The following SOD1 variants were observed in gnomAD, a reference collection of about 807,000 sequenced individuals.
The protein encoded by SOD1 is superoxide dismutase [Cu-Zn].
In SOD1, 8 loss-of-function variants were observed where a neutral mutation model predicts 15.9. The observed-to-expected ratio is 0.50, with a 90% confidence interval of 0.30 to 0.91. SOD1 has a LOEUF of 0.91. Ranked by LOEUF, SOD1 falls within the 40% of genes least tolerant of loss-of-function variation. SOD1 has a pLI of 0.07. For synonymous variants in SOD1, 86 were observed against 71.2 expected, an observed-to-expected ratio of 1.21 and a Z score of -1.04; for missense variants, 137 against 194.5, an observed-to-expected ratio of 0.70 and a Z score of 1.76.
chr21:31,667,418 T>C (rs1568810884), intron 4 of SOD1, 43 bp downstream of exon 4: 6 of 1,258,176 alleles, frequency 4.8e-6, no homozygotes, highest in Non-Finnish European at 7.0e-6. Context: ...TCTTCTAACA[T>C]ACAGTCATGT....
intron 1 of SOD1, among the ~76,000 whole-genome samples, chr21:31,660,945 G>A (rs1568808075): frequency 1.3e-5 from 2 of 152,216 alleles, no homozygotes; most frequent in Admixed American, 1.3e-4. Flanking sequence ...GATGGTCAGA[G>A]ACAAACTTCT....
chr21:31,663,919 T>G, intron 2 of SOD1, 33 bp downstream of exon 2: 7 of 1,480,340 alleles, frequency 4.7e-6, no homozygotes, highest in South Asian at 1.1e-5. Flanking sequence ...GACCCATACT[T>G]GTTCACCCTA....
At chr21:31,662,946 C>T (rs1218077594) in intron 1 of SOD1, among the ~76,000 whole-genome samples, 1 of 151,222 alleles carries the variant, frequency 6.6e-6, no homozygotes, top group African/African-American at 2.4e-5. Flanking sequence ...ACCTGGGAGG[C>T]GGAGCTTGCA....
intron 1 of SOD1, among the ~76,000 whole-genome samples, chr21:31,661,938 T>C (rs1325305154): frequency 6.6e-6 from 1 of 152,242 alleles, no homozygotes; most frequent in Non-Finnish European, 1.5e-5. Context: ...TGCTAGTTTT[T>C]ACAGATCAGA....
At chr21:31,659,946 TGGTCCAGCGCCC>T in intron 1 of SOD1, 105 bp downstream of exon 1, 1 of 1,158,836 alleles carries the variant, frequency 8.6e-7, no homozygotes, top group Non-Finnish European at 1.3e-6. Context: ...GGGGCCGCCC[TGGTCCAGCGCCC>T]GGTCCCGGCC....
At position 31,668,903 on chromosome 21, in the gene SOD1, C is replaced by A; in HGVS notation, c.*325C>A. ...ACCCTGTATGGCACTTATTATGAGG[C>A]TATTAAAAGAATCCAAATTCAAACT... is the stretch of plus-strand genomic sequence containing the variant. On this transcript the variant is annotated 3_prime_UTR_variant, in exon 5 of 5. Coordinates refer to ENST00000270142, the MANE Select transcript of SOD1 (RefSeq NM_000454.5). 3.5e-6 allele frequency: 1 copy of A among 285,058 alleles called. No homozygotes were observed. Among genetic ancestry groups the A allele is most frequent in the Non-Finnish European group, 6.8e-6 (1 of 148,044 alleles). 17.7% of individuals were successfully genotyped at this position (285,058 alleles called of 1,614,324 possible).
intron 1 of SOD1, chr21:31,660,796 A>G (rs1253658775): frequency 6.6e-6 from 1 of 152,202 alleles, no homozygotes; most frequent in African/African-American, 2.4e-5. Context: ...CAGTGGGTGG[A>G]GTTTCGTATT....
rs755349211 is a variant in SOD1, at chr21:31,659,728, T to A, written c.-42T>A. The A allele has an allele frequency of 6.2e-7, 1 of 1,606,760 alleles. No individual in the cohort carries two copies. The highest frequency in any genetic ancestry group is 8.5e-7 in the Non-Finnish European group (1 of 1,173,644). On this transcript the variant is annotated 5_prime_UTR_variant, in exon 1 of 5. Transcript: ENST00000270142. ...CTCCTGCAGCGTCTGGGGTTTCCGTTGCAGTCCTCGGAACCAGGACCTCGG... is the reference window on the plus strand; with the variant it reads ...CTCCTGCAGCGTCTGGGGTTTCCGTAGCAGTCCTCGGAACCAGGACCTCGG...
chr21:31,666,768 G>A (rs1601157897), intron 3 of SOD1: 3 of 532,326 alleles, frequency 5.6e-6, no homozygotes, highest in Non-Finnish European at 1.0e-5. Flanking sequence ...ACTAATACAA[G>A]TGCCAAAGGG....
rs554734047 is a variant in SOD1 at position 31,668,773 on chromosome 21, T to C, written c.*195T>C. The C allele has an allele frequency of 1.7e-6, 1 of 576,980 alleles. No individual in the cohort carries two copies. The highest frequency in any genetic ancestry group is 3.0e-5 in the East Asian group (1 of 33,094). 35.7% of individuals were successfully genotyped at this position (576,980 alleles called of 1,614,324 possible). A position where few individuals can be genotyped will look rare whatever the true frequency, so the allele number is the denominator to read the frequency against. On this transcript the variant is annotated 3_prime_UTR_variant, in exon 5 of 5. Coordinates refer to ENST00000270142, the MANE Select transcript of SOD1 (RefSeq NM_000454.5). ...GAAGATTTGTATAGTTTTATAAAACTCAGTTAAAATGTCTGTTTCAATGAC... is the reference window on the plus strand; with the variant it reads ...GAAGATTTGTATAGTTTTATAAAACCCAGTTAAAATGTCTGTTTCAATGAC...
At chr21:31,660,174 G>A (rs1328786416) in intron 1 of SOD1, 1 of 154,740 alleles carries the variant, frequency 6.5e-6, no homozygotes, top group Non-Finnish European at 1.4e-5. Flanking sequence ...GCCGCCGCGG[G>A]TCTGTCGTGG....
intron 1 of SOD1, chr21:31,660,810 A>G (rs1040204234): frequency 1.3e-5 from 2 of 152,204 alleles, no homozygotes; most frequent in African/African-American, 2.4e-5. Flanking sequence ...TCGTATTTGG[A>G]AATTAGAAGA....
Position 31,659,816 on chromosome 21 carries a change from A to G in SOD1, c.47A>G (p.Gln16Arg), listed in dbSNP as rs200016533. ...VCVLKGDGPV[Q>R]GIINFEQKES... ...GTGCTGAAGGGCGACGGCCCAGTGC[A>G]GGGCATCATCAATTTCGAGCAGAAG... The change falls in exon 1 of 5, where the codon CAG (glutamine) becomes CGG (arginine). Residue 16 changes from glutamine (Q) to arginine (R), a missense_variant. Physicochemically the swap from Gln to Arg is conservative, Grantham distance 43 (BLOSUM62 1). Transcript: ENST00000270142. 1.4e-5 allele frequency: 22 copies of G among 1,613,696 alleles called. No individual in the cohort carries two copies. Among genetic ancestry groups the G allele is most frequent in the East Asian group, 2.2e-5 (1 of 44,890 alleles).
In SOD1 at chr21:31,668,347, C is replaced by A. The variant is rs976968484; in HGVS notation, c.358-124C>A. 6 of 713,852 alleles carry A rather than the reference C, an allele frequency of 8.4e-6. No individual in the cohort carries two copies. The African/African-American group carries it at 9.0e-5, about 11-fold the overall frequency. The allele number at this position is 713,852 out of a possible 1,614,324, so 44.2% of individuals were successfully genotyped here. On this transcript the variant is annotated intron_variant, in intron 4 of 4. Transcript: ENST00000270142. The stretch of plus-strand genomic sequence containing the variant: ...TTTAAACTACTAAATATTAGTATAT[C>A]TCTCTACTAGGATTAATGTTATTTT...
chr21:31,660,680 A>G (rs2049541070), intron 1 of SOD1: 1 of 152,194 alleles, frequency 6.6e-6, no homozygotes, highest in Non-Finnish European at 1.5e-5. Context: ...ACCTCCGACC[A>G]ATTACATCAA....
intron 2 of SOD1, among the ~76,000 whole-genome samples, chr21:31,665,865 AC>A (rs1306855357): frequency 6.6e-6 from 1 of 152,068 alleles, no homozygotes; most frequent in Admixed American, 6.5e-5. Flanking sequence ...TAATAGAAAA[AC>A]TGTTGAAGAT....
At chr21:31,662,740 C>T (rs961414696) in intron 1 of SOD1, among the ~76,000 whole-genome samples, 5 of 152,170 alleles carry the variant, frequency 3.3e-5, no homozygotes, top group Non-Finnish European at 7.3e-5. Flanking sequence ...GATAGCCGGG[C>T]GTGGTGGCTT....
chr21:31,665,523 C>G (rs1601157131), intron 2 of SOD1, among the ~76,000 whole-genome samples: 1 of 152,282 alleles, frequency 6.6e-6, no homozygotes, highest in East Asian at 1.9e-4. Flanking sequence ...ACTTGCCTGC[C>G]TTTCTCCCTG....
chr21:31,665,352 T>G (rs756800003), intron 2 of SOD1, among the ~76,000 whole-genome samples: 1 of 152,104 alleles, frequency 6.6e-6, no homozygotes, highest in Non-Finnish European at 1.5e-5. Flanking sequence ...GTTTATAGAT[T>G]TCTTCTTAAA....
Sources: gnomAD v4.1 joint callset for allele counts (sites outside exome capture counted in the v4.1 genomes callset) on GRCh38, gnomAD v4.1.1 for gene constraint, MANE v1.5 for transcripts, NCBI Gene and HGNC (gene_info 2026-07-23, HGNC 2026-07-21) for gene names.